Variants in KLF12 observed in about 807,000 individuals in gnomAD.
KLF12 encodes the protein Krueppel-like factor 12.
In KLF12, 9 loss-of-function variants were observed where a neutral mutation model predicts 37.8. That is an observed-to-expected ratio of 0.24 (90% confidence interval 0.14 to 0.42). The LOEUF (loss-of-function observed/expected upper bound fraction) is 0.42, where lower values mean the gene tolerates loss of function less well. Among genes scored for constraint, KLF12 ranks in the 10% least tolerant of loss-of-function variants. The probability of loss-of-function intolerance (pLI) is 1.00; values close to 1 mark genes in which losing one functional copy is unlikely to be tolerated. For synonymous variants in KLF12, 208 were observed against 202.1 expected (o/e 1.03, Z -0.25); for missense variants, 411 against 516.0 (o/e 0.80, Z 1.97).
intron 3 of KLF12, among the ~76,000 whole-genome samples, chr13:73,919,639 C>T (rs187661532): frequency 1.3e-5 from 2 of 152,294 alleles, no homozygotes; most frequent in African/African-American, 2.4e-5. Context: ...TTTCACTCGT[C>T]TCCAATTCCC....
chr13:74,008,813 T>C (rs919649147), intron 1 of KLF12, among the ~76,000 whole-genome samples: 1 of 152,190 alleles, frequency 6.6e-6, no homozygotes, highest in African/African-American at 2.4e-5. Context: ...GAGTTCTGAC[T>C]CTGCACTGAT....
At position 73,695,308 on chromosome 13, in the gene KLF12, T is replaced by C; in HGVS notation, c.*182A>G. On this transcript the variant is annotated 3_prime_UTR_variant, in exon 8 of 8. Coordinates refer to ENST00000377669, the MANE Select transcript of KLF12 (RefSeq NM_007249.5). Reference sequence around the variant, plus strand: ...GGCCCGGGTAAAGACGGTTCTCGTCTAGTCATGATGGGGGTTACCTTCAGA... The same window carrying C: ...GGCCCGGGTAAAGACGGTTCTCGTCCAGTCATGATGGGGGTTACCTTCAGA... 1.7e-6 allele frequency: 1 copy of C among 594,264 alleles called. No homozygotes were observed. Among genetic ancestry groups the C allele is most frequent in the East Asian group, 2.8e-5 (1 of 35,580 alleles). The allele number at this position is 594,264 out of a possible 1,614,324, so 36.8% of individuals were successfully genotyped here.
intron 1 of KLF12, among the ~76,000 whole-genome samples, chr13:74,112,944 T>C (rs575894143): frequency 2.0e-5 from 3 of 152,206 alleles, no homozygotes; most frequent in Non-Finnish European, 2.9e-5. Context: ...TGTTACTCCA[T>C]CAAAAACATG....
At chr13:74,012,492 A>C (rs891917674) in intron 1 of KLF12, among the ~76,000 whole-genome samples, 1 of 152,224 alleles carries the variant, frequency 6.6e-6, no homozygotes, top group African/African-American at 2.4e-5. Flanking sequence ...TCCCTGCTAC[A>C]TTGCTGATGG....
intron 6 of KLF12, among the ~76,000 whole-genome samples, chr13:73,724,456 A>G (rs1876512775): frequency 6.6e-6 from 1 of 152,182 alleles, no homozygotes; most frequent in Non-Finnish European, 1.5e-5. Flanking sequence ...AATCAGACCA[A>G]GTAGAACTCA....
chr13:74,199,085 C>A, the KLF12 span, among the ~76,000 whole-genome samples: 1 of 152,230 alleles, frequency 6.6e-6, no homozygotes, highest in Non-Finnish European at 1.5e-5. Flanking sequence ...AGACTTCATT[C>A]TCACAGGACA....
At chr13:73,985,027 T>G (rs1891787888) in intron 2 of KLF12, among the ~76,000 whole-genome samples, 1 of 9,958 alleles carries the variant, frequency 1.0e-4, no homozygotes, top group Non-Finnish European at 3.1e-3. Flanking sequence ...TGCCTGGTGT[T>G]ATCCCCCCAC....
the KLF12 span, among the ~76,000 whole-genome samples, chr13:74,264,800 A>G: frequency 6.6e-6 from 1 of 152,246 alleles, no homozygotes; most frequent in Non-Finnish European, 1.5e-5. Flanking sequence ...AACAATTTGT[A>G]TAATAAAATA....
chr13:73,929,572 G>A (rs950362488), intron 3 of KLF12, among the ~76,000 whole-genome samples: 4 of 152,194 alleles, frequency 2.6e-5, no homozygotes, highest in African/African-American at 4.8e-5. Flanking sequence ...TAGTTTAAGT[G>A]GATAGAGACA....
the KLF12 span, among the ~76,000 whole-genome samples, chr13:74,215,266 CCACTTTATCTTCCTA>C: frequency 6.6e-6 from 1 of 151,734 alleles, no homozygotes; most frequent in Non-Finnish European, 1.5e-5. Context: ...TAGAATTTCT[CCACTTTATCTTCCTA>C]CACTTCTATT....
chr13:74,032,155 G>A (rs1893132001), intron 1 of KLF12, among the ~76,000 whole-genome samples: 1 of 152,164 alleles, frequency 6.6e-6, no homozygotes, highest in Non-Finnish European at 1.5e-5. Flanking sequence ...AGTTTGGAAA[G>A]TGAAAATAAA....
At chr13:74,165,324 G>A in the KLF12 span, among the ~76,000 whole-genome samples, 22 of 133,080 alleles carry the variant, frequency 1.7e-4, 1 homozygote, top group South Asian at 5.3e-3. Flanking sequence ...TTTTTGAGAT[G>A]GAGTCTTGCT....
At chr13:74,132,809 C>T (rs1380684162) in intron 1 of KLF12, among the ~76,000 whole-genome samples, 1 of 152,110 alleles carries the variant, frequency 6.6e-6, no homozygotes, top group Non-Finnish European at 1.5e-5. Context: ...TTGAGTGCAC[C>T]CCACCCTTTT....
intron 3 of KLF12, among the ~76,000 whole-genome samples, chr13:73,908,307 C>T (rs1280518834): frequency 4.7e-5 from 7 of 149,322 alleles, no homozygotes; most frequent in South Asian, 4.3e-4. Flanking sequence ...GAGGCTGAGG[C>T]GGGAGAATCG....
At chr13:73,735,766 T>C (rs1392347599) in intron 6 of KLF12, among the ~76,000 whole-genome samples, 1 of 152,158 alleles carries the variant, frequency 6.6e-6, no homozygotes, top group African/African-American at 2.4e-5. Context: ...ATTATGTATT[T>C]AATCTGCAGA....
chr13:73,965,696 C>T (rs1295732281), intron 2 of KLF12, among the ~76,000 whole-genome samples: 1 of 152,218 alleles, frequency 6.6e-6, no homozygotes, highest in Non-Finnish European at 1.5e-5. Flanking sequence ...CTCCCCTTTC[C>T]ACCTTTCATC....
chr13:73,694,862 T>A lies in KLF12; in HGVS notation c.*628A>T, dbSNP rs900786592. On this transcript the variant is annotated 3_prime_UTR_variant, in exon 8 of 8. Coordinates refer to ENST00000377669, the MANE Select transcript of KLF12 (RefSeq NM_007249.5). The stretch of plus-strand genomic sequence containing the variant: ...CGACAAACAAATGAAAGATTCAATG[T>A]TGGTTTTCTTCAGGGCATGGCAGAA... 1 of 152,614 alleles carries A rather than the reference T, an allele frequency of 6.6e-6. No individual in the cohort carries two copies. Among genetic ancestry groups the A allele is most frequent in the Non-Finnish European group, 1.5e-5 (1 of 68,060 alleles). The allele number at this position is 152,614 out of a possible 1,614,324, so 9.5% of individuals were successfully genotyped here. A position where few individuals can be genotyped will look rare whatever the true frequency, so the allele number is the denominator to read the frequency against.
the KLF12 span, among the ~76,000 whole-genome samples, chr13:74,194,575 G>C: frequency 5.9e-5 from 9 of 152,188 alleles, no homozygotes; most frequent in Admixed American, 5.2e-4. Flanking sequence ...ACTCACAAGG[G>C]GGAAGAGACC....
the KLF12 span, among the ~76,000 whole-genome samples, chr13:74,301,241 C>T: frequency 6.6e-6 from 1 of 152,124 alleles, no homozygotes; most frequent in Non-Finnish European, 1.5e-5. Context: ...TCCCTGATTA[C>T]TTTTGCAGTT....
Sources: allele counts gnomAD v4.1 joint callset (sites outside exome capture counted in the v4.1 genomes callset), GRCh38; gene constraint gnomAD v4.1.1; transcripts MANE v1.5; gene names NCBI Gene and HGNC (gene_info 2026-07-23, HGNC 2026-07-21).